Variants in XKR9 observed in about 807,000 individuals in gnomAD.
XKR9 encodes the protein XK-related protein 9.
In XKR9, 32 loss-of-function variants were observed where a neutral mutation model predicts 32.0. The observed-to-expected ratio is 1.00, with a 90% CI of 0.76 to 1.34. The LOEUF (loss-of-function observed/expected upper bound fraction) is 1.34, where lower values mean the gene tolerates loss of function less well. XKR9 is among the 40% of genes most tolerant of loss of function. XKR9 has a pLI of 0.00. For missense variants in XKR9, 546 were observed against 429.7 expected, an observed-to-expected ratio of 1.27 and a Z score of -2.39; for synonymous variants, 168 against 143.4, an observed-to-expected ratio of 1.17 and a Z score of -1.22.
the XKR9 span, among the ~76,000 whole-genome samples, chr8:70,888,641 A>T: frequency 2.6e-5 from 4 of 151,948 alleles, no homozygotes; most frequent in Non-Finnish European, 5.9e-5. Context: ...ATCGTGAGAG[A>T]TAGGGGTCTA....
At chr8:70,702,026 A>G (rs569788121) in intron 3 of XKR9, among the ~76,000 whole-genome samples, 1 of 152,252 alleles carries the variant, frequency 6.6e-6, no homozygotes, top group African/African-American at 2.4e-5. Context: ...AAAAATGAAT[A>G]TAATGGGAGT....
the XKR9 span, among the ~76,000 whole-genome samples, chr8:71,042,905 T>C: frequency 6.6e-6 from 1 of 152,176 alleles, no homozygotes; most frequent in East Asian, 1.9e-4. Context: ...ATTAAATAGA[T>C]GTTTTTCCTT....
intron 4 of XKR9, among the ~76,000 whole-genome samples, chr8:70,714,701 TGA>T (rs1174488542): frequency 2.0e-5 from 3 of 152,158 alleles, no homozygotes; most frequent in Non-Finnish European, 4.4e-5. Context: ...TTAGGTAAAG[TGA>T]CTAATTTTAA....
the XKR9 span, among the ~76,000 whole-genome samples, chr8:70,880,396 C>T: frequency 2.0e-5 from 3 of 152,190 alleles, no homozygotes; most frequent in Non-Finnish European, 4.4e-5. Flanking sequence ...CCCCAAATCT[C>T]CTTAACCTGA....
the XKR9 span, among the ~76,000 whole-genome samples, chr8:70,854,874 G>C: frequency 6.6e-6 from 1 of 152,090 alleles, no homozygotes; most frequent in East Asian, 1.9e-4. Flanking sequence ...CTGCTCCATT[G>C]GTTTATATCT....
At chr8:70,742,667 A>G (rs1360009684) in intron 2 of XKR9, among the ~76,000 whole-genome samples, 3 of 152,080 alleles carry the variant, frequency 2.0e-5, no homozygotes. Context: ...TTTGTTGGAT[A>G]TAGAGTTCTG....
the XKR9 span, among the ~76,000 whole-genome samples, chr8:71,027,302 G>A: frequency 6.7e-6 from 1 of 149,590 alleles, no homozygotes; most frequent in East Asian, 1.9e-4. Context: ...GAGTCTTAAA[G>A]GATTAATACT....
chr8:70,930,818 G>A, the XKR9 span, among the ~76,000 whole-genome samples: 110 of 152,036 alleles, frequency 7.2e-4, no homozygotes, highest in Non-Finnish European at 1.4e-3. Flanking sequence ...GGCTGTCATC[G>A]CCACTTAGAT....
At chr8:70,822,622 T>C in the XKR9 span, among the ~76,000 whole-genome samples, 1 of 151,400 alleles carries the variant, frequency 6.6e-6, no homozygotes, top group African/African-American at 2.4e-5. Context: ...AGTGGGGATA[T>C]CAGTTAGATA....
the XKR9 span, among the ~76,000 whole-genome samples, chr8:70,976,831 G>A: frequency 1.3e-5 from 2 of 152,186 alleles, no homozygotes; most frequent in Non-Finnish European, 2.9e-5. Flanking sequence ...GAATTTGGCT[G>A]TGAATCTGTC....
intron 4 of XKR9, among the ~76,000 whole-genome samples, chr8:70,720,210 G>C (rs145327359): frequency 0.011 from 1,603 of 152,180 alleles, 27 homozygotes; most frequent in African/African-American, 0.037. Context: ...CTGAGACAAG[G>C]GGTATTCTAA....
chr8:70,917,127 G>C, the XKR9 span, among the ~76,000 whole-genome samples: 1 of 151,974 alleles, frequency 6.6e-6, no homozygotes, highest in African/African-American at 2.4e-5. Flanking sequence ...TCTGTTCCTT[G>C]ATCCAACCTG....
At chr8:70,777,674 T>C (rs911425286) in intron 2 of XKR9, among the ~76,000 whole-genome samples, 2 of 152,214 alleles carry the variant, frequency 1.3e-5, no homozygotes, top group African/African-American at 2.4e-5. Context: ...TGGTATCTCA[T>C]TGTGGTTTTG....
chr8:70,751,951 A>T (rs889495609), intron 2 of XKR9, among the ~76,000 whole-genome samples: 1 of 152,218 alleles, frequency 6.6e-6, no homozygotes, highest in Non-Finnish European at 1.5e-5. Context: ...AGCCCGTCTC[A>T]TGTATCTCTC....
chr8:70,985,068 C>A, the XKR9 span, among the ~76,000 whole-genome samples: 1 of 151,798 alleles, frequency 6.6e-6, no homozygotes, highest in South Asian at 2.1e-4. Flanking sequence ...GATAATTTTC[C>A]AAAAACAAAA....
chr8:70,908,672 G>A, the XKR9 span, among the ~76,000 whole-genome samples: 1 of 152,196 alleles, frequency 6.6e-6, no homozygotes, highest in Non-Finnish European at 1.5e-5. Flanking sequence ...GTAAACAAAT[G>A]AGTGTGGCTG....
chr8:70,908,275 A>G, the XKR9 span, among the ~76,000 whole-genome samples: 3 of 152,300 alleles, frequency 2.0e-5, no homozygotes, highest in Admixed American at 1.3e-4. Flanking sequence ...GAAATTTTAT[A>G]TTTTATAATT....
the XKR9 span, among the ~76,000 whole-genome samples, chr8:71,049,199 T>C: frequency 6.6e-5 from 10 of 152,232 alleles, no homozygotes; most frequent in Non-Finnish European, 1.5e-4. Context: ...CACCCATTCA[T>C]ACAGCAAGCA....
chr8:70,752,590 G>A (rs946330688), intron 2 of XKR9, among the ~76,000 whole-genome samples: 1 of 152,110 alleles, frequency 6.6e-6, no homozygotes, highest in African/African-American at 2.4e-5. Flanking sequence ...ACCTCTTAAA[G>A]TCACAAGCTC....
Sources: gnomAD v4.1 joint callset for allele counts (sites outside exome capture counted in the v4.1 genomes callset) on GRCh38, gnomAD v4.1.1 for gene constraint, MANE v1.5 for transcripts, NCBI Gene and HGNC (gene_info 2026-07-23, HGNC 2026-07-21) for gene names.